Variants in LUZP2 observed in about 807,000 individuals in gnomAD.
LUZP2 encodes the protein leucine zipper protein 2.
In LUZP2, 52 loss-of-function variants were observed where a neutral mutation model predicts 51.6. That is an observed-to-expected ratio of 1.01 (90% CI 0.81 to 1.27). The LOEUF is 1.27. Ranked by LOEUF, LUZP2 falls within the 50% of genes most tolerant of loss-of-function variation. LUZP2 has a pLI of 0.00. For missense variants in LUZP2, 436 were observed against 395.4 expected (o/e 1.10, Z -0.87); for synonymous variants, 154 against 137.3 (o/e 1.12, Z -0.85).
intron 10 of LUZP2, among the ~76,000 whole-genome samples, chr11:25,055,401 C>T (rs1858656446): frequency 6.6e-6 from 1 of 151,986 alleles, no homozygotes; most frequent in African/African-American, 2.4e-5. Context: ...TTCTTAAGTA[C>T]TTTTCTCTTT....
chr11:24,765,576 T>C (rs1860153759), intron 5 of LUZP2, among the ~76,000 whole-genome samples: 1 of 152,048 alleles, frequency 6.6e-6, no homozygotes, highest in African/African-American at 2.4e-5. Context: ...CCACATATGT[T>C]AAGAAATGAG....
intron 1 of LUZP2, among the ~76,000 whole-genome samples, chr11:24,515,166 A>T (rs1850425714): frequency 6.6e-6 from 1 of 152,202 alleles, no homozygotes; most frequent in Non-Finnish European, 1.5e-5. Context: ...GGAGTTACAC[A>T]ATCATCTAGA....
At chr11:24,984,139 A>G (rs1290288052) in intron 9 of LUZP2, among the ~76,000 whole-genome samples, 1 of 151,504 alleles carries the variant, frequency 6.6e-6, no homozygotes, top group African/African-American at 2.4e-5. Context: ...TGTTATTAAA[A>G]TGAGTGCTAT....
In LUZP2 at chr11:24,792,944, C is replaced by A. The variant is rs963870323; in HGVS notation, c.396+29636C>A. Among the ~76,000 whole-genome samples, 4 of 152,264 alleles carry A rather than the reference C, an allele frequency of 2.6e-5. No individual in the cohort carries two copies. The East Asian group carries it at 7.7e-4, about 29-fold the overall frequency. ...TTATTCCTTTTCCCCCATTTTCTCA[C>A]CAAAAGATCTTCTAGCTTCCTGGAA... On this transcript the variant is annotated intron_variant, in intron 5 of 11. Transcript: ENST00000336930.
intron 2 of LUZP2, 42 bp downstream of exon 2, chr11:24,729,328 G>T: frequency 9.2e-7 from 1 of 1,081,866 alleles, no homozygotes; most frequent in South Asian, 1.8e-5. Context: ...AAGAGGAGCA[G>T]TCATCTGATT....
chr11:24,548,771 A>G (rs1029595570), intron 1 of LUZP2, among the ~76,000 whole-genome samples: 1 of 152,060 alleles, frequency 6.6e-6, no homozygotes, highest in Admixed American at 6.6e-5. Flanking sequence ...TTTTTAAAAT[A>G]TACTAAAATG....
At chr11:24,835,636 A>T (rs1323929230) in intron 5 of LUZP2, among the ~76,000 whole-genome samples, 1 of 152,104 alleles carries the variant, frequency 6.6e-6, no homozygotes, top group East Asian at 1.9e-4. Flanking sequence ...GGCTTGTATA[A>T]TGTAAGAGAC....
chr11:24,840,000 A>C (rs1850977631), intron 5 of LUZP2, among the ~76,000 whole-genome samples: 1 of 151,788 alleles, frequency 6.6e-6, no homozygotes, highest in Non-Finnish European at 1.5e-5. Flanking sequence ...GAAAAGGAAA[A>C]GTGGTTTGCT....
intron 7 of LUZP2, among the ~76,000 whole-genome samples, chr11:24,962,144 TG>T (rs1365400833): frequency 6.6e-6 from 1 of 152,084 alleles, no homozygotes; most frequent in Non-Finnish European, 1.5e-5. Context: ...CTTCCCTTTG[TG>T]GGTAACCCAA....
intron 5 of LUZP2, among the ~76,000 whole-genome samples, chr11:24,833,837 A>C (rs1850779882): frequency 6.6e-6 from 1 of 152,148 alleles, no homozygotes; most frequent in African/African-American, 2.4e-5. Context: ...AGATAAGTAT[A>C]AATTGACCCA....
Position 24,948,517 on chromosome 11 carries a change from A to T in LUZP2, c.523-28074A>T, listed in dbSNP as rs1016612931. On this transcript the variant is annotated intron_variant, in intron 7 of 11. Transcript: ENST00000336930. ...AGAGCAGGGCAGGGTTAGCACCAGA[A>T]TTGTTTCTTAAAGGCAAGCCCTGGG... 1.2e-4 allele frequency among the ~76,000 whole-genome samples: 18 copies of T among 151,840 alleles called. 1 individual carries two copies. Among genetic ancestry groups the T allele is most frequent in the African/African-American group, 3.6e-4 (15 of 41,520 alleles).
chr11:24,694,186 A>G (rs1857167032), intron 1 of LUZP2, among the ~76,000 whole-genome samples: 1 of 152,068 alleles, frequency 6.6e-6, no homozygotes, highest in Admixed American at 6.6e-5. Flanking sequence ...TTCTCCTCCT[A>G]CTTGCCTGTT....
At chr11:24,729,673 T>G (rs1288132497) in intron 2 of LUZP2, among the ~76,000 whole-genome samples, 1 of 151,958 alleles carries the variant, frequency 6.6e-6, no homozygotes, top group Non-Finnish European at 1.5e-5. Context: ...ATAAACCACA[T>G]TACTGAAATA....
intron 5 of LUZP2, among the ~76,000 whole-genome samples, chr11:24,901,400 TAA>T (rs35888734): frequency 0.044 from 6,325 of 143,448 alleles, 417 homozygotes; most frequent in African/African-American, 0.15. Flanking sequence ...CTCACTTCAT[TAA>T]AAAAAAAAAA....
At chr11:24,776,235 A>C (rs568178780) in intron 5 of LUZP2, among the ~76,000 whole-genome samples, 5 of 152,232 alleles carry the variant, frequency 3.3e-5, no homozygotes, top group Non-Finnish European at 5.9e-5. Context: ...AAGACTAACA[A>C]CTGTGCAATT....
chr11:24,791,087 C>T (rs1044991371), intron 5 of LUZP2, among the ~76,000 whole-genome samples: 2 of 152,158 alleles, frequency 1.3e-5, no homozygotes, highest in Non-Finnish European at 2.9e-5. Context: ...ACATCAGTGT[C>T]TCTGATTATC....
intron 7 of LUZP2, among the ~76,000 whole-genome samples, chr11:24,944,995 A>C: frequency 6.6e-6 from 1 of 152,166 alleles, no homozygotes. Context: ...GAAGACACTG[A>C]GGTAGAGTAG....
At chr11:25,055,407 T>C (rs996298924) in intron 10 of LUZP2, among the ~76,000 whole-genome samples, 1 of 152,174 alleles carries the variant, frequency 6.6e-6, no homozygotes, top group Non-Finnish European at 1.5e-5. Flanking sequence ...AGTACTTTTC[T>C]CTTTTTCATA....
intron 9 of LUZP2, among the ~76,000 whole-genome samples, chr11:25,024,071 G>T (rs1220474241): frequency 3.9e-5 from 6 of 152,124 alleles, no homozygotes; most frequent in African/African-American, 1.4e-4. Flanking sequence ...GTCAGTTTTG[G>T]AGTAAGTGCG....
Sources: gnomAD v4.1 joint callset for allele counts (sites outside exome capture counted in the v4.1 genomes callset) on GRCh38, gnomAD v4.1.1 for gene constraint, MANE v1.5 for transcripts, NCBI Gene and HGNC (gene_info 2026-07-23, HGNC 2026-07-21) for gene names.